YAF2: variants seen among roughly 807,000 people sequenced by gnomAD.
YAF2 encodes the protein YY1-associated factor 2.
Under a neutral mutation model 20.1 loss-of-function variants are expected in YAF2, and 7 were observed. The ratio of observed to expected loss-of-function variants is 0.35; its 90% CI spans 0.20 to 0.65. YAF2 has a LOEUF of 0.65. YAF2 is among the 30% of genes least tolerant of loss of function. The pLI is 0.69. For missense variants in YAF2, 151 were observed against 219.2 expected, an observed-to-expected ratio of 0.69 and a Z score of 1.96; for synonymous variants, 74 against 76.0, an observed-to-expected ratio of 0.97 and a Z score of 0.14.
At chr12:42,237,356 C>A in intron 2 of YAF2, 1 of 1,159,944 alleles carries the variant, frequency 8.6e-7, no homozygotes, top group Non-Finnish European at 1.1e-6. Context: ...GTAGCTAATG[C>A]CTCCCTTAAA....
intron 2 of YAF2, among the ~76,000 whole-genome samples, chr12:42,194,346 A>G (rs1005587331): frequency 9.2e-5 from 14 of 152,300 alleles, no homozygotes; most frequent in Admixed American, 8.5e-4. Flanking sequence ...GTTGTGAAGT[A>G]AAATAAATCT....
intron 2 of YAF2, 110 bp from the exon 3 acceptor site, chr12:42,161,875 G>A (rs986496758): frequency 9.9e-7 from 1 of 1,005,696 alleles, no homozygotes; most frequent in Non-Finnish European, 1.4e-6. Context: ...TAACTTTCAA[G>A]TATAAAAATT....
chr12:42,192,671 A>T (rs1378081419), intron 2 of YAF2, among the ~76,000 whole-genome samples: 1 of 152,204 alleles, frequency 6.6e-6, no homozygotes, highest in Non-Finnish European at 1.5e-5. Context: ...TAGCCCAGAA[A>T]AGAGATGGTG....
chr12:42,228,371 A>G, intron 2 of YAF2, among the ~76,000 whole-genome samples: 1 of 50,416 alleles, frequency 2.0e-5, no homozygotes, highest in South Asian at 1.2e-3. Context: ...GGCCGCCCCT[A>G]CTGGGAAGTG....
intron 2 of YAF2, among the ~76,000 whole-genome samples, chr12:42,204,350 C>T (rs2066981312): frequency 6.6e-6 from 1 of 152,202 alleles, no homozygotes; most frequent in Non-Finnish European, 1.5e-5. Flanking sequence ...TCCATAGATT[C>T]AACCAATTGC....
rs147194331 is a variant in YAF2 at position 42,208,511 on chromosome 12, A to T, written c.152+29088T>A. Reference sequence around the variant, plus strand: ...AACCTAAAGCTAATATTTAAGGGCTAAACTGTATCATTCAGCTAACTATAA... The same window carrying T: ...AACCTAAAGCTAATATTTAAGGGCTTAACTGTATCATTCAGCTAACTATAA... On this transcript the variant is annotated intron_variant, in intron 2 of 3. Transcript: ENST00000534854. Among the ~76,000 whole-genome samples the T allele has an allele frequency of 3.3e-3, 510 of 152,338 alleles. 3 individuals carry two copies. Among genetic ancestry groups the T allele is most frequent in the African/African-American group, 0.012 (490 of 41,582 alleles).
intron 2 of YAF2, among the ~76,000 whole-genome samples, chr12:42,177,505 T>C (rs913463766): frequency 1.3e-5 from 2 of 152,138 alleles, no homozygotes; most frequent in African/African-American, 4.8e-5. Flanking sequence ...TCCCTCTTCT[T>C]ACAAGGCCAC....
chr12:42,237,690 C>T lies in YAF2; in HGVS notation c.61G>A (p.Gly21Ser). 6.3e-7 allele frequency: 1 copy of T among 1,575,268 alleles called. No homozygotes were observed. The highest frequency in any genetic ancestry group is 8.6e-7 in the Non-Finnish European group (1 of 1,163,294). ...KRQPKPSSDE[G>S]YWDCSVCTFR... ...GTGCAGACGCTACAGTCCCAGTAAC[C>T]CTCATCCGAGGACGGCTTCGGCTGC... The change falls in exon 2 of 4, where the codon GGT becomes AGT. Residue 21 changes from glycine (G) to serine (S), a missense_variant. By Grantham distance (56) the Gly-to-Ser change is moderately conservative. Coordinates refer to ENST00000534854, the MANE Select transcript of YAF2 (RefSeq NM_005748.6).
intron 2 of YAF2, among the ~76,000 whole-genome samples, chr12:42,230,289 GAAGA>G (rs370911719): frequency 1.9e-4 from 28 of 150,534 alleles, no homozygotes; most frequent in Non-Finnish European, 2.4e-4. Flanking sequence ...AGAAGAAAGA[GAAGA>G]AAGAAAGAAA....
At chr12:42,236,129 T>C in intron 2 of YAF2, 1 of 1,351,562 alleles carries the variant, frequency 7.4e-7, no homozygotes, top group East Asian at 2.5e-5. Context: ...CACTTTAATG[T>C]TCCTGCCTCC....
intron 2 of YAF2, chr12:42,233,279 G>A: frequency 2.0e-6 from 2 of 985,238 alleles, no homozygotes; most frequent in South Asian, 4.7e-5. Context: ...AACATTACCT[G>A]TTACATTTGA....
chr12:42,233,987 A>G, intron 2 of YAF2: 1 of 846,992 alleles, frequency 1.2e-6, no homozygotes, highest in Non-Finnish European at 1.4e-6. Context: ...CCTGGCCAGC[A>G]TAGTGAAACC....
At chr12:42,237,577 G>C (rs1055254445) in intron 2 of YAF2, 22 bp downstream of exon 2, 1 of 1,496,630 alleles carries the variant, frequency 6.7e-7, no homozygotes, top group Non-Finnish European at 8.9e-7. Context: ...CCGGCGGCGC[G>C]AGGGGCAGGC....
chr12:42,210,571 C>T (rs1444487933), intron 2 of YAF2: 38 of 1,536,026 alleles, frequency 2.5e-5, no homozygotes, highest in Non-Finnish European at 3.0e-5. Flanking sequence ...GAAATTTCAA[C>T]GGTTCCTTGG....
rs562665836 is a variant in YAF2 at position 42,203,126 on chromosome 12, A to G, written c.152+34473T>C. On this transcript the variant is annotated intron_variant, in intron 2 of 3. Coordinates refer to ENST00000534854, the MANE Select transcript of YAF2 (RefSeq NM_005748.6). ...TGAAACTACATAAAATTCACAAAGT[A>G]ACTTTTCAGTAATATTTATTACTAA... Among the ~76,000 whole-genome samples the G allele has an allele frequency of 4.8e-4, 73 of 152,108 alleles. 1 individual carries two copies. Among genetic ancestry groups the G allele is most frequent in the African/African-American group, 1.7e-3 (72 of 41,508 alleles).
rs1592075194 is a variant in YAF2, at chr12:42,235,880, G to A, written c.152+1719C>T. The stretch of plus-strand genomic sequence containing the variant: ...TATTCCTTCTTCTTCCAGGTGCCAG[G>A]TATTCAGCCTGTTTCTTCTCTTCTG... On this transcript the variant is annotated intron_variant, in intron 2 of 3. Coordinates refer to ENST00000534854, the MANE Select transcript of YAF2 (RefSeq NM_005748.6). 27 of 1,536,008 alleles carry A rather than the reference G, an allele frequency of 1.8e-5. No homozygotes were observed. The East Asian group carries it at 5.6e-4, about 32-fold the overall frequency.
At chr12:42,178,559 T>A (rs1356695171) in intron 2 of YAF2, among the ~76,000 whole-genome samples, 1 of 152,184 alleles carries the variant, frequency 6.6e-6, no homozygotes. Flanking sequence ...TGACAAATAA[T>A]CATTATAAAT....
chr12:42,186,604 G>T (rs1333407646), intron 2 of YAF2, among the ~76,000 whole-genome samples: 1 of 152,050 alleles, frequency 6.6e-6, no homozygotes, highest in Non-Finnish European at 1.5e-5. Flanking sequence ...TCGAACCCAG[G>T]AGGTGGAGGT....
intron 2 of YAF2, among the ~76,000 whole-genome samples, chr12:42,230,391 G>A (rs73114487): frequency 0.046 from 7,041 of 152,214 alleles, 261 homozygotes; most frequent in East Asian, 0.15. Context: ...AAGCTAGGAA[G>A]GTAGTTTAGG....
Sources: allele counts gnomAD v4.1 joint callset (sites outside exome capture counted in the v4.1 genomes callset), GRCh38; gene constraint gnomAD v4.1.1; transcripts MANE v1.5; gene names NCBI Gene and HGNC (gene_info 2026-07-23, HGNC 2026-07-21).